The following TNN variants were observed in gnomAD, a reference collection of about 807,000 sequenced individuals.
The protein encoded by TNN is tenascin N.
In TNN, 122 loss-of-function variants were observed where a neutral mutation model predicts 134.4. That is an observed-to-expected ratio of 0.91 (90% CI 0.78 to 1.06). The LOEUF is 1.06. TNN is among the 50% of genes least tolerant of loss of function. The pLI is 0.00. For synonymous variants in TNN, 710 were observed against 670.3 expected (o/e 1.06, Z -0.91); for missense variants, 1,739 against 1,699.4 (o/e 1.02, Z -0.41).
intron 1 of TNN, among the ~76,000 whole-genome samples, chr1:175,068,441 G>A (rs567893412): frequency 1.3e-5 from 2 of 152,282 alleles, no homozygotes; most frequent in East Asian, 3.9e-4. Flanking sequence ...TGGATTTTGT[G>A]TGAATCAGTT....
At chr1:175,093,871 C>G in intron 6 of TNN, 119 bp from the exon 7 acceptor site, 1 of 1,030,964 alleles carries the variant, frequency 9.7e-7, no homozygotes, top group Non-Finnish European at 1.4e-6. Flanking sequence ...GGAGAGACCC[C>G]CTTGTATTGC....
intron 9 of TNN, among the ~76,000 whole-genome samples, chr1:175,112,598 CTTTTTTTTTTTTTTTTTTTT>C (rs767531767): frequency 5.9e-4 from 13 of 21,992 alleles, no homozygotes; most frequent in African/African-American, 1.3e-3. Context: ...GCCGGCCGAT[CTTTTTTTTTTTTTTTTTTTT>C]TTTTTTTTTT....
rs184179066 is a variant in TNN, at chr1:175,126,859, G to A, written c.2915-96G>A. ...CTTGAAAGAAGGAGGAGAAATGGGA[G>A]GGTTTGAAAAGGGGAAAATATAAAC... On this transcript the variant is annotated intron_variant, in intron 12 of 18. Transcript: ENST00000239462. 125 of 1,354,466 alleles carry A rather than the reference G, an allele frequency of 9.2e-5. No individual in the cohort carries two copies. The African/African-American group carries it at 1.4e-3, about 15-fold the overall frequency. The allele number at this position is 1,354,466 out of a possible 1,614,324, so 83.9% of individuals were successfully genotyped here.
At position 175,117,008 on chromosome 1, in the gene TNN, C is replaced by T. The variant is rs754019468; in HGVS notation, c.2189C>T (p.Pro730Leu). 2.1e-5 allele frequency: 34 copies of T among 1,614,096 alleles called. No homozygotes were observed. Among genetic ancestry groups the T allele is most frequent in the Middle Eastern group, 1.6e-4 (1 of 6,082 alleles). The stretch of plus-strand genomic sequence containing the variant: ...AATATGGCCACTGTCTCCTGGGACC[C>T]GGTGCGGGCCACCATTGACAGGTAT... The part of the protein sequence containing the change: ...TENMATVSWD[P>L]VRATIDRYVV... The change falls in exon 10 of 19, where the codon CCG (proline) becomes CTG (leucine). Residue 730 changes from proline (P) to leucine (L), a missense_variant. Physicochemically the swap from Pro to Leu is moderately conservative, Grantham distance 98. Coordinates refer to ENST00000239462, the MANE Select transcript of TNN (RefSeq NM_022093.2).
At chr1:175,144,250 G>T (rs1451981761) in intron 17 of TNN, 137 bp from the exon 18 acceptor site, 2 of 771,374 alleles carry the variant, frequency 2.6e-6, no homozygotes, top group African/African-American at 1.7e-5. Context: ...TGTTTTGAGA[G>T]AGCGGTGACT....
At chr1:175,135,114 G>C (rs1396142804) in intron 15 of TNN, among the ~76,000 whole-genome samples, 1 of 152,102 alleles carries the variant, frequency 6.6e-6, no homozygotes, top group African/African-American at 2.4e-5. Context: ...CCATGTCCTG[G>C]GGGTGGTTTC....
chr1:175,093,314 T>C (rs1185979795), intron 6 of TNN, among the ~76,000 whole-genome samples: 2 of 152,230 alleles, frequency 1.3e-5, no homozygotes, highest in Non-Finnish European at 2.9e-5. Flanking sequence ...CAGGATATGT[T>C]CTTGGGAAGC....
Position 175,079,519 on chromosome 1 carries a change from AC to A in TNN, c.599del (p.Pro200ArgfsTer81). 1 of 1,562,596 alleles carries A rather than the reference AC, an allele frequency of 6.4e-7. No individual in the cohort carries two copies. The highest frequency in any genetic ancestry group is 1.4e-5 in the African/African-American group (1 of 73,692). ...HEPYVGADCGYPACPENCSGH... is the reference protein window; with the variant it reads ...HEPYVGADCGXPACPENCSGH... Reference sequence around the variant, plus strand: ...CCCTACGTGGGTGCCGACTGCGGCTACCCGGCCTGCCCTGAGAACTGCAGCG... The same window carrying A: ...CCCTACGTGGGTGCCGACTGCGGCTACCGGCCTGCCCTGAGAACTGCAGCG... On this transcript the variant is annotated frameshift_variant, in exon 3 of 19. Transcript: ENST00000239462. LOFTEE classifies it high-confidence loss of function.
chr1:175,096,440 T>C (rs2149432424), intron 7 of TNN, among the ~76,000 whole-genome samples: 1 of 152,276 alleles, frequency 6.6e-6, no homozygotes, highest in South Asian at 2.1e-4. Context: ...CTCCCTAGGG[T>C]GAGTCACTGC....
At chr1:175,128,772 C>T in intron 15 of TNN, 26 bp downstream of exon 15, 3 of 1,601,160 alleles carry the variant, frequency 1.9e-6, no homozygotes, top group East Asian at 4.5e-5. Context: ...CCCTGGGGAG[C>T]TCTGTGTAGG....
rs61746976 is a variant in TNN at position 175,123,502 on chromosome 1, G to A, written c.2753G>A (p.Arg918His). ...GCCACCATTGACAAGTACATGGTGCGCTACACCTCTGCTGACGGAGAGACC... is the reference window on the plus strand; with the variant it reads ...GCCACCATTGACAAGTACATGGTGCACTACACCTCTGCTGACGGAGAGACC... ...VQATIDKYMV[R>H]YTSADGETRE... The change falls in exon 12 of 19, where the codon CGC becomes CAC. Residue 918 changes from arginine (R) to histidine (H), a missense_variant. Transcript: ENST00000239462. 9.0e-5 allele frequency: 146 copies of A among 1,613,968 alleles called. No homozygotes were observed. The African/African-American group carries it at 1.2e-3, about 13-fold the overall frequency.
At chr1:175,104,669 G>T (rs1251891228) in intron 9 of TNN, among the ~76,000 whole-genome samples, 1 of 145,322 alleles carries the variant, frequency 6.9e-6, no homozygotes, top group African/African-American at 2.5e-5. Context: ...CACCAAGGTT[G>T]CCAGGTTTAA....
At position 175,079,689 on chromosome 1, in the gene TNN, G is replaced by A. The variant is rs1417523446; in HGVS notation, c.766G>A (p.Gly256Ser). ...GECYCEEGFT[G>S]LDCAQVVTPQ... is the part of the protein sequence containing the mutation. ...GTGCTACTGCGAGGAGGGCTTCACA[G>A]GCCTGGACTGTGCCCAGGGTGAGAG... Residue 256 changes from glycine (G) to serine (S), a missense_variant, in exon 3 of 19, where the codon GGC becomes AGC. By Grantham distance (56) the Gly-to-Ser change is moderately conservative. Coordinates refer to ENST00000239462, the MANE Select transcript of TNN (RefSeq NM_022093.2). The A allele has an allele frequency of 5.6e-6, 9 of 1,600,414 alleles. No individual in the cohort carries two copies. The South Asian group carries it at 8.9e-5, about 16-fold the overall frequency.
chr1:175,117,881 C>T (rs1208335434), intron 10 of TNN, among the ~76,000 whole-genome samples: 1 of 152,120 alleles, frequency 6.6e-6, no homozygotes, highest in Non-Finnish European at 1.5e-5. Flanking sequence ...ATAGCTCCTA[C>T]GTTATATTCT....
intron 12 of TNN, among the ~76,000 whole-genome samples, chr1:175,124,556 C>T (rs1675460493): frequency 1.3e-5 from 2 of 152,244 alleles, no homozygotes; most frequent in Middle Eastern, 6.8e-3. Flanking sequence ...TGGCAGGTGC[C>T]TGTAATCCCA....
intron 6 of TNN, among the ~76,000 whole-genome samples, chr1:175,088,708 T>C (rs1423162327): frequency 1.3e-5 from 2 of 152,234 alleles, no homozygotes; most frequent in Admixed American, 6.5e-5. Context: ...CCATTATTTC[T>C]AGCCACAAAT....
rs779583882 is a variant in TNN at position 175,079,489 on chromosome 1, A to G, written c.566A>G (p.His189Arg). 2 of 1,563,028 alleles carry G rather than the reference A, an allele frequency of 1.3e-6. No individual in the cohort carries two copies. The highest frequency in any genetic ancestry group is 1.7e-6 in the Non-Finnish European group (2 of 1,155,520). Reference sequence around the variant, plus strand: ...TGCGTGGACGGGCGCTGCCTGTGCCATGAGCCCTACGTGGGTGCCGACTGC... The same window carrying G: ...TGCGTGGACGGGCGCTGCCTGTGCCGTGAGCCCTACGTGGGTGCCGACTGC... ...GRCVDGRCLC[H>R]EPYVGADCGY... Residue 189 changes from histidine (H) to arginine (R), a missense_variant, in exon 3 of 19, where the codon CAT becomes CGT. Physicochemically the swap from His to Arg is conservative, Grantham distance 29. Coordinates refer to ENST00000239462, the MANE Select transcript of TNN (RefSeq NM_022093.2).
At chr1:175,097,133 A>G (rs1267323264) in intron 7 of TNN, among the ~76,000 whole-genome samples, 1 of 152,214 alleles carries the variant, frequency 6.6e-6, no homozygotes, top group East Asian at 1.9e-4. Flanking sequence ...AGAAATTTGA[A>G]TGTGAAGACC....
chr1:175,091,427 G>T (rs1385925542), intron 6 of TNN, among the ~76,000 whole-genome samples: 3 of 152,124 alleles, frequency 2.0e-5, no homozygotes, highest in Non-Finnish European at 4.4e-5. Flanking sequence ...CTGTTTCCTG[G>T]CTCTTCTCCA....
Sources: allele counts gnomAD v4.1 joint callset (sites outside exome capture counted in the v4.1 genomes callset), GRCh38; gene constraint gnomAD v4.1.1; transcripts MANE v1.5; gene names NCBI Gene and HGNC (gene_info 2026-07-23, HGNC 2026-07-21).